PIP4K2A: variants seen among roughly 807,000 people sequenced by gnomAD.
The protein encoded by PIP4K2A is phosphatidylinositol-5-phosphate 4-kinase type 2 alpha, also known as phosphatidylinositol 5-phosphate 4-kinase type-2 alpha.
A neutral mutation model predicts 42.9 loss-of-function variants in PIP4K2A; 14 were observed. That is an observed-to-expected ratio of 0.33 (90% CI 0.22 to 0.51). PIP4K2A has a LOEUF of 0.51. PIP4K2A is among the 20% of genes least tolerant of loss of function. The probability of loss-of-function intolerance (pLI) is 0.97; values close to 1 mark genes in which losing one functional copy is unlikely to be tolerated. For missense variants in PIP4K2A, 434 were observed against 519.8 expected (o/e 0.83, Z 1.61); for synonymous variants, 192 against 192.2 (o/e 1.00, Z 0.01).
intron 5 of PIP4K2A, among the ~76,000 whole-genome samples, chr10:22,571,514 G>A (rs58429682): frequency 0.055 from 8,339 of 152,278 alleles, 558 homozygotes; most frequent in African/African-American, 0.16. Context: ...ATATTTGGAA[G>A]AGTCAAATAA....
At chr10:22,679,867 G>A (rs1424952248) in intron 1 of PIP4K2A, among the ~76,000 whole-genome samples, 1 of 152,122 alleles carries the variant, frequency 6.6e-6, no homozygotes, top group Admixed American at 6.6e-5. Context: ...CCTAGGGCTG[G>A]GGGTAGGGGT....
chr10:22,617,296 G>C (rs1306137726), intron 1 of PIP4K2A, among the ~76,000 whole-genome samples: 1 of 152,240 alleles, frequency 6.6e-6, no homozygotes, highest in East Asian at 1.9e-4. Context: ...ACTGGACAAG[G>C]AATAAATAAG....
intron 1 of PIP4K2A, among the ~76,000 whole-genome samples, chr10:22,650,622 T>C (rs1838974744): frequency 6.6e-6 from 1 of 152,224 alleles, no homozygotes; most frequent in Non-Finnish European, 1.5e-5. Context: ...TACTCTCACT[T>C]AGGTGCCACT....
At position 22,651,251 on chromosome 10, in the gene PIP4K2A, T is replaced by G. The variant is rs1838990013; in HGVS notation, c.145-41534A>C. 2.0e-5 allele frequency among the ~76,000 whole-genome samples: 3 copies of G among 152,110 alleles called. No individual in the cohort carries two copies. The South Asian group carries it at 6.2e-4, about 32-fold the overall frequency. On this transcript the variant is annotated intron_variant, in intron 1 of 9. Transcript: ENST00000376573. ...GGTCTCCTGCCTTTCACTCTGTCCC[T>G]CCTCCAAGCCTTTCTCCCAATTGAG...
rs113084433 is a variant in PIP4K2A, at chr10:22,536,233, C to T, written c.*968G>A. 92 of 397,536 alleles carry T rather than the reference C, an allele frequency of 2.3e-4. No homozygotes were observed. The highest frequency in any genetic ancestry group is 1.9e-3 in the Middle Eastern group (3 of 1,580). The allele number at this position is 397,536 out of a possible 1,614,324, so 24.6% of individuals were successfully genotyped here. On this transcript the variant is annotated 3_prime_UTR_variant, in exon 10 of 10. Coordinates refer to ENST00000376573, the MANE Select transcript of PIP4K2A (RefSeq NM_005028.5). ...AACAGGAGAATTGAGAGTTTTGATG[C>T]TTTGCTGGTTTTCCCACAGTGGGAG...
At chr10:22,640,822 G>GT (rs763336653) in intron 1 of PIP4K2A, among the ~76,000 whole-genome samples, 1 of 152,214 alleles carries the variant, frequency 6.6e-6, no homozygotes, top group Non-Finnish European at 1.5e-5. Context: ...AGCAGTTGCA[G>GT]TGAGATGAAA....
At chr10:22,569,574 T>C (rs181678424) in intron 5 of PIP4K2A, among the ~76,000 whole-genome samples, 1 of 152,244 alleles carries the variant, frequency 6.6e-6, no homozygotes, top group Non-Finnish European at 1.5e-5. Flanking sequence ...TTTGTAATAC[T>C]TGAGCACTGC....
intron 7 of PIP4K2A, 99 bp from the exon 8 acceptor site, chr10:22,542,146 G>A: frequency 9.0e-7 from 1 of 1,110,112 alleles, no homozygotes; most frequent in East Asian, 2.4e-5. Flanking sequence ...GGAAGGCTGT[G>A]GGGTGGGGCA....
At chr10:22,631,162 C>A (rs1189099473) in intron 1 of PIP4K2A, among the ~76,000 whole-genome samples, 1 of 152,120 alleles carries the variant, frequency 6.6e-6, no homozygotes, top group Non-Finnish European at 1.5e-5. Context: ...ATCCCTCTTC[C>A]AAATATTTTT....
At chr10:22,582,899 A>G (rs1038681188) in intron 4 of PIP4K2A, among the ~76,000 whole-genome samples, 7 of 151,582 alleles carry the variant, frequency 4.6e-5, no homozygotes, top group Non-Finnish European at 8.8e-5. Context: ...AGTAAAAAAA[A>G]AAAAAAAAAA....
chr10:22,568,969 T>C (rs1247385322), intron 5 of PIP4K2A: 4 of 1,443,624 alleles, frequency 2.8e-6, no homozygotes, highest in East Asian at 4.9e-5. Context: ...AAGACATCTA[T>C]TGCCCTGGGT....
intron 3 of PIP4K2A, among the ~76,000 whole-genome samples, chr10:22,593,498 A>C (rs115987528): frequency 1.3e-5 from 2 of 152,218 alleles, no homozygotes; most frequent in African/African-American, 2.4e-5. Flanking sequence ...CAAGAGTTTA[A>C]TTCTTAATTA....
In PIP4K2A at chr10:22,627,588, T is replaced by TAAAAAAAAAAAAAA. The variant is rs1564448260; in HGVS notation, c.145-17872_145-17871insTTTTTTTTTTTTTT. On this transcript the variant is annotated intron_variant, in intron 1 of 9. Coordinates refer to ENST00000376573, the MANE Select transcript of PIP4K2A (RefSeq NM_005028.5). ...ATTTGTTTAACCAAAAGCTAATATGTAATAAAAAAAAAAAAAAAAAAAAAA... is the reference window on the plus strand; with the variant it reads ...ATTTGTTTAACCAAAAGCTAATATGTAAAAAAAAAAAAAAAATAAAAAAAAAAAAAAAAAAAAAA... Among the ~76,000 whole-genome samples the TAAAAAAAAAAAAAA allele has an allele frequency of 4.9e-4, 19 of 38,954 alleles. 1 individual carries two copies. The highest frequency in any genetic ancestry group is 9.4e-4 in the African/African-American group (13 of 13,772). The allele number at this position is 38,954 out of a possible 152,430, so 25.6% of individuals were successfully genotyped here.
At chr10:22,685,766 G>A (rs1369457421) in intron 1 of PIP4K2A, among the ~76,000 whole-genome samples, 1 of 152,054 alleles carries the variant, frequency 6.6e-6, no homozygotes, top group Non-Finnish European at 1.5e-5. Flanking sequence ...GCGGGGCAGG[G>A]AGGGAGAAAG....
At chr10:22,568,896 C>T in intron 5 of PIP4K2A, 3 of 728,444 alleles carry the variant, frequency 4.1e-6, no homozygotes, top group Middle Eastern at 2.3e-4. Context: ...TCCCCTCCTG[C>T]ACTGGACACC....
chr10:22,537,535 G>A (rs1588608613), intron 9 of PIP4K2A, among the ~76,000 whole-genome samples: 1 of 152,078 alleles, frequency 6.6e-6, no homozygotes, highest in East Asian at 1.9e-4. Flanking sequence ...CACACACACC[G>A]GGGCTGTTGC....
Position 22,573,303 on chromosome 10 carries a change from A to G in PIP4K2A, c.639+8T>C. On this transcript the variant is annotated splice_region_variant and intron_variant, in intron 5 of 9. Transcript: ENST00000376573. ...TTACTTTACAAAAATTCATAAAATC[A>G]GTCTCACCTTTAAGTCGTATTTCCT... 1 of 1,610,044 alleles carries G rather than the reference A, an allele frequency of 6.2e-7. No homozygotes were observed. The highest frequency in any genetic ancestry group is 8.5e-7 in the Non-Finnish European group (1 of 1,177,514).
intron 1 of PIP4K2A, among the ~76,000 whole-genome samples, chr10:22,642,866 T>C (rs1345609759): frequency 6.6e-6 from 1 of 152,176 alleles, no homozygotes; most frequent in African/African-American, 2.4e-5. Flanking sequence ...TCATGTATTT[T>C]AGCTTCATTC....
intron 1 of PIP4K2A, among the ~76,000 whole-genome samples, chr10:22,629,189 A>G (rs74121864): frequency 3.9e-5 from 6 of 152,316 alleles, no homozygotes; most frequent in African/African-American, 1.4e-4. Flanking sequence ...ATATACAAAC[A>G]CTTTTAAATT....
Sources: gnomAD v4.1 joint callset for allele counts (sites outside exome capture counted in the v4.1 genomes callset) on GRCh38, gnomAD v4.1.1 for gene constraint, MANE v1.5 for transcripts, NCBI Gene and HGNC (gene_info 2026-07-23, HGNC 2026-07-21) for gene names.